Variants in ZFR2 observed in about 807,000 individuals in gnomAD.
ZFR2 encodes zinc finger RNA binding protein 2.
In ZFR2, 104 loss-of-function variants were observed where a neutral mutation model predicts 105.7. That is an observed-to-expected ratio of 0.98 (90% CI 0.84 to 1.16). The LOEUF (loss-of-function observed/expected upper bound fraction) is 1.16, where lower values mean the gene tolerates loss of function less well. Among genes scored for constraint, ZFR2 ranks in the 50% most tolerant of loss-of-function variants. The pLI is 0.00. For synonymous variants in ZFR2, 634 were observed against 597.7 expected (o/e 1.06, Z -0.89); for missense variants, 1,425 against 1,355.5 (o/e 1.05, Z -0.80).
At chr19:3,845,617 C>T (rs773722724) in intron 1 of ZFR2, among the ~76,000 whole-genome samples, 182 of 137,326 alleles carry the variant, frequency 1.3e-3, no homozygotes, top group Non-Finnish European at 1.2e-3. Flanking sequence ...CATGACAAAA[C>T]CCCATCTTTA....
intron 17 of ZFR2, 90 bp from the exon 18 acceptor site, chr19:3,807,359 C>T: frequency 4.2e-6 from 4 of 950,494 alleles, no homozygotes; most frequent in Non-Finnish European, 6.5e-6. Context: ...CGTGGGGCCT[C>T]AGGGGCCCGT....
chr19:3,809,044 G>A (rs1388491228), intron 16 of ZFR2, 61 bp from the exon 17 acceptor site: 3 of 1,344,970 alleles, frequency 2.2e-6, no homozygotes, highest in Admixed American at 2.5e-5. Context: ...TGCCTGCCCG[G>A]GAGGTCCTGG....
chr19:3,825,363 G>A lies in ZFR2; in HGVS notation c.1080C>T (p.Leu360=), dbSNP rs771799856. The part of the protein sequence containing the change: ...HAKLGKPIPT[L]EPALATESPP... Reference sequence around the variant, plus strand: ...GGCTCTCTGTGGCCAGTGCAGGCTCGAGGGTGGGAATGGGCTTCCCCAGTT... The same window carrying A: ...GGCTCTCTGTGGCCAGTGCAGGCTCAAGGGTGGGAATGGGCTTCCCCAGTT... Residue 360 remains leucine, a synonymous_variant, in exon 7 of 19, where the codon CTC becomes CTT. Transcript: ENST00000262961. 3.4e-5 allele frequency: 54 copies of A among 1,591,048 alleles called. No homozygotes were observed. Among genetic ancestry groups the A allele is most frequent in the Middle Eastern group, 2.2e-4 (1 of 4,464 alleles).
intron 1 of ZFR2, among the ~76,000 whole-genome samples, chr19:3,863,846 G>A (rs1186771091): frequency 1.3e-5 from 2 of 152,144 alleles, no homozygotes; most frequent in Non-Finnish European, 2.9e-5. Context: ...GGGCCCCCAC[G>A]TCAGTCCAGT....
In ZFR2 at chr19:3,810,904, G is replaced by A. The variant is rs577231395; in HGVS notation, c.2338-59C>T. On this transcript the variant is annotated intron_variant, in intron 15 of 18. Coordinates refer to ENST00000262961, the MANE Select transcript of ZFR2 (RefSeq NM_015174.2). ...GGCTCACGTGGCCACACGGCATGGCGCCGGGCTCTGTCGTGAGCGTGAACC... is the reference window on the plus strand; with the variant it reads ...GGCTCACGTGGCCACACGGCATGGCACCGGGCTCTGTCGTGAGCGTGAACC... 23 of 1,524,920 alleles carry A rather than the reference G, an allele frequency of 1.5e-5. 1 individual carries two copies. The highest frequency in any genetic ancestry group is 6.0e-5 in the South Asian group (5 of 83,206). 94.5% of individuals were successfully genotyped at this position (1,524,920 alleles called of 1,614,324 possible).
chr19:3,831,399 T>TGGCTTCGAGTCGGCCCTGG lies in ZFR2; in HGVS notation c.737_755dup (p.Pro253GlnfsTer162), dbSNP rs776652510. 5.8e-6 allele frequency: 9 copies of TGGCTTCGAGTCGGCCCTGG among 1,555,820 alleles called. No homozygotes were observed. The South Asian group carries it at 1.1e-4, about 18-fold the overall frequency. On this transcript the variant is annotated frameshift_variant, in exon 5 of 19. Coordinates refer to ENST00000262961, the MANE Select transcript of ZFR2 (RefSeq NM_015174.2). LOFTEE classifies it high-confidence loss of function. ...GTCTCGGCAGCTTGCTGGGAAGCGGTGGCTTCGAGTCGGCCCTGGGGCTGC... is the reference window on the plus strand; with the variant it reads ...GTCTCGGCAGCTTGCTGGGAAGCGGTGGCTTCGAGTCGGCCCTGGGGCTTCGAGTCGGCCCTGGGGCTGC...
Position 3,813,004 on chromosome 19 carries a change from C to T in ZFR2, c.2242+816G>A, listed in dbSNP as rs1319079786. Reference sequence around the variant, plus strand: ...CTGAGGCAGGAGAATCGCTTGAACCCAGGCGGCGGAAGTTGCAGTGAGCTG... The same window carrying T: ...CTGAGGCAGGAGAATCGCTTGAACCTAGGCGGCGGAAGTTGCAGTGAGCTG... On this transcript the variant is annotated intron_variant, in intron 14 of 18. Coordinates refer to ENST00000262961, the MANE Select transcript of ZFR2 (RefSeq NM_015174.2). This position sits in a 1 kb window ranked among gnomAD's most constrained non-coding sequence, Gnocchi z 4.4. 2.0e-5 allele frequency among the ~76,000 whole-genome samples: 3 copies of T among 152,166 alleles called. No homozygotes were observed. Among genetic ancestry groups the T allele is most frequent in the Non-Finnish European group, 4.4e-5 (3 of 68,030 alleles).
chr19:3,836,844 A>G (rs1052981985), intron 1 of ZFR2, among the ~76,000 whole-genome samples: 1 of 152,212 alleles, frequency 6.6e-6, no homozygotes, highest in African/African-American at 2.4e-5. Context: ...GCTACCCAGT[A>G]GACAGTTCTG....
rs116853310 is a variant in ZFR2, at chr19:3,832,017, G to A, written c.380-139C>T. On this transcript the variant is annotated intron_variant, in intron 3 of 18. Transcript: ENST00000262961. ...CAGAGGCCAGAGCCTTGGGCCAGGT[G>A]CTGGCAGCGACTCGCAGGTTACCTT... The A allele has an allele frequency of 4.7e-3, 3,053 of 653,558 alleles. 50 individuals are homozygous for A. The highest frequency in any genetic ancestry group is 0.035 in the African/African-American group (1,916 of 54,200). 40.5% of individuals were successfully genotyped at this position (653,558 alleles called of 1,614,324 possible). A position where few individuals can be genotyped will look rare whatever the true frequency, so the allele number is the denominator to read the frequency against.
chr19:3,865,539 T>A (rs1468905137), intron 1 of ZFR2, among the ~76,000 whole-genome samples: 1 of 151,630 alleles, frequency 6.6e-6, no homozygotes, highest in Non-Finnish European at 1.5e-5. Context: ...TTTATAGAGA[T>A]GGGGGGAAAG....
chr19:3,868,483 C>T (rs1489463090), intron 1 of ZFR2, among the ~76,000 whole-genome samples: 3 of 152,002 alleles, frequency 2.0e-5, no homozygotes, highest in Non-Finnish European at 4.4e-5. Context: ...GGGTCAGCTC[C>T]CCTCTGCCCA....
chr19:3,805,766 G>T lies in ZFR2; in HGVS notation c.*183C>A. 3.0e-6 allele frequency: 2 copies of T among 671,150 alleles called. No individual in the cohort carries two copies. Among genetic ancestry groups the T allele is most frequent in the African/African-American group, 1.9e-5 (1 of 52,676 alleles). The allele number at this position is 671,150 out of a possible 1,614,324, so 41.6% of individuals were successfully genotyped here. On this transcript the variant is annotated 3_prime_UTR_variant, in exon 19 of 19. Transcript: ENST00000262961. ...AGCAACTCAGCCTCCCAAAGTGCTG[G>T]GATTAAAGGCATGAGCCACAGTGCC...
At chr19:3,846,483 G>A (rs1185446793) in intron 1 of ZFR2, among the ~76,000 whole-genome samples, 1 of 152,184 alleles carries the variant, frequency 6.6e-6, no homozygotes, top group East Asian at 1.9e-4. Context: ...TAACTTTAGC[G>A]AGCTTGGTTG....
chr19:3,820,942 G>GT lies in ZFR2; in HGVS notation c.1631+397_1631+398insA, dbSNP rs1568420867. Among the ~76,000 whole-genome samples, 3 of 100,902 alleles carry GT rather than the reference G, an allele frequency of 3.0e-5. 1 individual carries two copies. Among genetic ancestry groups the GT allele is most frequent in the East Asian group, 3.0e-4 (1 of 3,286 alleles). 66.2% of individuals were successfully genotyped at this position (100,902 alleles called of 152,430 possible). ...GGACACCGGGGGTCGGGGGACACAG[G>GT]GACACTAGAGGTCGGTGGACACAGG... On this transcript the variant is annotated intron_variant, in intron 10 of 18. Coordinates refer to ENST00000262961, the MANE Select transcript of ZFR2 (RefSeq NM_015174.2).
At position 3,813,807 on chromosome 19, in the gene ZFR2, G is replaced by C; in HGVS notation, c.2242+13C>G. Reference sequence around the variant, plus strand: ...GAGGGGGACAGTGGTTGGAAGGAAGGGCTGGGCCGCACCTGGGTCTGTGGA... The same window carrying C: ...GAGGGGGACAGTGGTTGGAAGGAAGCGCTGGGCCGCACCTGGGTCTGTGGA... On this transcript the variant is annotated intron_variant, in intron 14 of 18. Coordinates refer to ENST00000262961, the MANE Select transcript of ZFR2 (RefSeq NM_015174.2). The surrounding 1 kb of genome is among the most constrained non-coding windows in gnomAD (Gnocchi z 4.4). 1.2e-6 allele frequency: 2 copies of C among 1,613,426 alleles called. No individual in the cohort carries two copies. Among genetic ancestry groups the C allele is most frequent in the Non-Finnish European group, 1.7e-6 (2 of 1,179,726 alleles).
In ZFR2 at chr19:3,823,261, C is replaced by T. The variant is rs542813086; in HGVS notation, c.1356G>A (p.Pro452=). 3.2e-5 allele frequency: 52 copies of T among 1,613,738 alleles called. No individual in the cohort carries two copies. Among genetic ancestry groups the T allele is most frequent in the African/African-American group, 8.0e-5 (6 of 74,876 alleles). ...AGCSDAQPVG[P]EYVEEVFSDE... ...CTCGACTTACCTCCTCCACATATTC[C>T]GGGCCCACCGGCTGCGCATCAGAGC... The change falls in exon 8 of 19, where the codon CCG becomes CCA. Residue 452 remains proline, a synonymous_variant. Coordinates refer to ENST00000262961, the MANE Select transcript of ZFR2 (RefSeq NM_015174.2). This position sits in a 1 kb window ranked among gnomAD's most constrained non-coding sequence, Gnocchi z 5.4.
chr19:3,844,424 G>A (rs1329226158), intron 1 of ZFR2, among the ~76,000 whole-genome samples: 2 of 151,784 alleles, frequency 1.3e-5, no homozygotes, highest in Non-Finnish European at 2.9e-5. Context: ...CTGGAGTGCA[G>A]TGGTGCGATC....
Position 3,838,433 on chromosome 19 carries a change from G to A in ZFR2, c.54-3450C>T, listed in dbSNP as rs758117390. Among the ~76,000 whole-genome samples, 16 of 152,194 alleles carry A rather than the reference G, an allele frequency of 1.1e-4. No homozygotes were observed. The highest frequency in any genetic ancestry group is 2.4e-4 in the Non-Finnish European group (16 of 68,026). On this transcript the variant is annotated intron_variant, in intron 1 of 18. Coordinates refer to ENST00000262961, the MANE Select transcript of ZFR2 (RefSeq NM_015174.2). The surrounding 1 kb of genome is among the most constrained non-coding windows in gnomAD (Gnocchi z 4.9). ...ATGAGCCAAAGAGAGGAAGGTGGAA[G>A]GTTCCATACGGGAGCTGGGGCAGAG...
chr19:3,850,915 A>G (rs999649020), intron 1 of ZFR2, among the ~76,000 whole-genome samples: 7 of 128,362 alleles, frequency 5.5e-5, no homozygotes, highest in Non-Finnish European at 1.3e-4. Context: ...AAAAAAAAAA[A>G]AAAAAAAAGA....
Sources: gnomAD v4.1 joint callset for allele counts (sites outside exome capture counted in the v4.1 genomes callset) on GRCh38, gnomAD v4.1.1 for gene constraint, Gnocchi (gnomAD v3.1) non-coding constraint, MANE v1.5 for transcripts, NCBI Gene and HGNC (gene_info 2026-07-23, HGNC 2026-07-21) for gene names.